The following TBC1D1 variants were observed in gnomAD, a reference collection of about 807,000 sequenced individuals.
TBC1D1 encodes the protein TBC1 (tre-2/USP6, BUB2, cdc16) domain family, member 1.
Under a neutral mutation model 125.6 loss-of-function variants are expected in TBC1D1, and 89 were observed. That is an observed-to-expected ratio of 0.71 (90% CI 0.60 to 0.85). The LOEUF (loss-of-function observed/expected upper bound fraction) is 0.85. Among genes scored for constraint, TBC1D1 ranks in the 40% least tolerant of loss-of-function variants. TBC1D1 has a pLI of 0.00. For synonymous variants in TBC1D1, 565 were observed against 564.1 expected, an observed-to-expected ratio of 1.00 and a Z score of -0.02; for missense variants, 1,377 against 1,469.2, an observed-to-expected ratio of 0.94 and a Z score of 1.03.
At chr4:37,928,484 G>A (rs1336053990) in intron 2 of TBC1D1, among the ~76,000 whole-genome samples, 1 of 152,142 alleles carries the variant, frequency 6.6e-6, no homozygotes, top group Non-Finnish European at 1.5e-5. Context: ...TGATTGGTGA[G>A]TCTGATTCTG....
intron 18 of TBC1D1, among the ~76,000 whole-genome samples, chr4:38,129,796 A>G (rs892015578): frequency 6.6e-6 from 1 of 152,192 alleles, no homozygotes; most frequent in Admixed American, 6.5e-5. Flanking sequence ...TGTAATTTAA[A>G]CTTATGTAAC....
intron 2 of TBC1D1, chr4:37,960,395 C>A: frequency 6.5e-7 from 1 of 1,540,560 alleles, no homozygotes; most frequent in Non-Finnish European, 8.8e-7. Flanking sequence ...GGACCACGGT[C>A]TTAGATGAAT....
intron 2 of TBC1D1, among the ~76,000 whole-genome samples, chr4:37,913,368 G>A (rs1213623432): frequency 6.6e-6 from 1 of 152,152 alleles, no homozygotes; most frequent in Non-Finnish European, 1.5e-5. Flanking sequence ...GGAGGCTTAG[G>A]TGAGTGGATC....
intron 2 of TBC1D1, among the ~76,000 whole-genome samples, chr4:37,990,319 G>GTTT (rs200009632): frequency 6.7e-6 from 1 of 148,530 alleles, no homozygotes; most frequent in South Asian, 2.1e-4. Context: ...AAAACATTGA[G>GTTT]TTTTTTTTTT....
chr4:37,900,751 G>A (rs777115397), intron 1 of TBC1D1, among the ~76,000 whole-genome samples: 18 of 152,182 alleles, frequency 1.2e-4, no homozygotes, highest in Admixed American at 2.6e-4. Flanking sequence ...ACAAGAAGGC[G>A]TTAGGATACA....
chr4:38,021,478 A>G (rs1271873077), intron 5 of TBC1D1, 108 bp from the exon 6 acceptor site: 2 of 1,031,630 alleles, frequency 1.9e-6, no homozygotes, highest in Non-Finnish European at 2.7e-6. Flanking sequence ...AGTAGTACAG[A>G]AAACTCTTAA....
intron 2 of TBC1D1, among the ~76,000 whole-genome samples, chr4:37,967,261 G>A (rs188330698): frequency 1.5e-3 from 227 of 152,296 alleles, no homozygotes; most frequent in Admixed American, 3.3e-3. Flanking sequence ...TTGGGAGGGC[G>A]AGGCGGGTGG....
chr4:37,985,408 A>C (rs945597145), intron 2 of TBC1D1, among the ~76,000 whole-genome samples: 4 of 152,080 alleles, frequency 2.6e-5, no homozygotes, highest in African/African-American at 4.8e-5. Flanking sequence ...AAATTACCTT[A>C]ATTTTCATGC....
chr4:38,095,243 G>A (rs1169043558), intron 13 of TBC1D1, among the ~76,000 whole-genome samples: 1 of 152,176 alleles, frequency 6.6e-6, no homozygotes, highest in Admixed American at 6.5e-5. Flanking sequence ...AGTTTCTGTG[G>A]CCATGAAATA....
At chr4:37,952,252 C>A in intron 2 of TBC1D1, 1 of 566,186 alleles carries the variant, frequency 1.8e-6, no homozygotes, top group South Asian at 2.2e-5. Flanking sequence ...AAATCACAGG[C>A]TAGATTTTAG....
intron 2 of TBC1D1, among the ~76,000 whole-genome samples, chr4:37,919,241 C>A (rs1434052307): frequency 6.7e-6 from 1 of 150,144 alleles, no homozygotes; most frequent in Non-Finnish European, 1.5e-5. Flanking sequence ...GATCTCGGCT[C>A]ACTGCAACCT....
intron 19 of TBC1D1, among the ~76,000 whole-genome samples, chr4:38,133,815 G>C (rs893741031): frequency 2.6e-5 from 4 of 152,086 alleles, no homozygotes; most frequent in African/African-American, 9.7e-5. Context: ...ACAGAAGAAA[G>C]ACCAGTTGAG....
At chr4:38,039,228 C>T (rs1747873732) in intron 8 of TBC1D1, among the ~76,000 whole-genome samples, 1 of 146,904 alleles carries the variant, frequency 6.8e-6, no homozygotes. Context: ...CGCCATTCTC[C>T]TGCCTCAGCC....
At chr4:38,033,648 A>T (rs967345791) in intron 7 of TBC1D1, among the ~76,000 whole-genome samples, 3 of 152,164 alleles carry the variant, frequency 2.0e-5, no homozygotes, top group African/African-American at 7.2e-5. Context: ...TCATGTGCCC[A>T]TCATTACGGT....
intron 12 of TBC1D1, among the ~76,000 whole-genome samples, chr4:38,080,016 A>T (rs1412510041): frequency 6.6e-6 from 1 of 152,242 alleles, no homozygotes; most frequent in Non-Finnish European, 1.5e-5. Context: ...AGAGTTTTTG[A>T]TCCAGTAGGT....
chr4:38,129,595 G>T (rs1314943680), intron 18 of TBC1D1, among the ~76,000 whole-genome samples: 2 of 152,132 alleles, frequency 1.3e-5, no homozygotes, highest in Non-Finnish European at 2.9e-5. Flanking sequence ...AGGGCAGGGG[G>T]TTAGGAAGGC....
At chr4:37,967,795 T>C (rs1731334108) in intron 2 of TBC1D1, among the ~76,000 whole-genome samples, 2 of 152,228 alleles carry the variant, frequency 1.3e-5, no homozygotes, top group Non-Finnish European at 1.5e-5. Context: ...CTATGAATTA[T>C]AGCAAAATGT....
At chr4:38,088,773 A>C (rs1757958523) in intron 12 of TBC1D1, among the ~76,000 whole-genome samples, 1 of 152,190 alleles carries the variant, frequency 6.6e-6, no homozygotes, top group African/African-American at 2.4e-5. Flanking sequence ...CGGGAAGTGG[A>C]AGCATCAGGA....
Position 38,139,090 on chromosome 4 carries a change from C to T in TBC1D1, c.*1755C>T, listed in dbSNP as rs1209719319. ...ATGTTTACTGTTGGATTTTGGGCAT[C>T]TTATTACTGTTACTCAAAAACATTG... is the stretch of plus-strand genomic sequence containing the variant. On this transcript the variant is annotated 3_prime_UTR_variant, in exon 20 of 20. Coordinates refer to ENST00000261439, the MANE Select transcript of TBC1D1 (RefSeq NM_015173.4). The T allele has an allele frequency of 6.6e-6, 1 of 152,216 alleles. No homozygotes were observed. Among genetic ancestry groups the T allele is most frequent in the African/African-American group, 2.4e-5 (1 of 41,290 alleles). The allele number at this position is 152,216 out of a possible 1,614,324, so 9.4% of individuals were successfully genotyped here. A position where few individuals can be genotyped will look rare whatever the true frequency, so the allele number is the denominator to read the frequency against.
Sources: allele counts gnomAD v4.1 joint callset (sites outside exome capture counted in the v4.1 genomes callset), GRCh38; gene constraint gnomAD v4.1.1; transcripts MANE v1.5; gene names NCBI Gene and HGNC (gene_info 2026-07-23, HGNC 2026-07-21).